The following MTHFD2L variants were observed in gnomAD, a reference collection of about 807,000 sequenced individuals.
MTHFD2L encodes bifunctional methylenetetrahydrofolate dehydrogenase/cyclohydrolase 2, mitochondrial.
MTHFD2L carries 29 observed loss-of-function variants against 34.9 expected under a neutral mutation model. The ratio of observed to expected loss-of-function variants is 0.83; its 90% CI spans 0.62 to 1.13. The LOEUF is 1.13. Among genes scored for constraint, MTHFD2L ranks in the 50% most tolerant of loss-of-function variants. The pLI is 0.00. For synonymous variants in MTHFD2L, 167 were observed against 155.7 expected (o/e 1.07, Z -0.54); for missense variants, 481 against 446.5 (o/e 1.08, Z -0.70).
intron 6 of MTHFD2L, among the ~76,000 whole-genome samples, chr4:74,232,433 CCT>C (rs1740214877): frequency 6.6e-6 from 1 of 152,034 alleles, no homozygotes; most frequent in Non-Finnish European, 1.5e-5. Context: ...TCCCAGTCTC[CCT>C]CTCTCTCTGT....
At chr4:74,211,302 A>G (rs776991608) in intron 5 of MTHFD2L, among the ~76,000 whole-genome samples, 10 of 152,174 alleles carry the variant, frequency 6.6e-5, no homozygotes, top group Non-Finnish European at 1.2e-4. Context: ...CCCAATCACT[A>G]TGATATTGGC....
chr4:74,193,313 T>G (rs1309493609), intron 3 of MTHFD2L, among the ~76,000 whole-genome samples: 1 of 152,114 alleles, frequency 6.6e-6, no homozygotes, highest in African/African-American at 2.4e-5. Flanking sequence ...CATTGATCTA[T>G]TTGTCTGTTC....
At chr4:74,227,537 A>G (rs1244140111) in intron 6 of MTHFD2L, among the ~76,000 whole-genome samples, 1 of 151,300 alleles carries the variant, frequency 6.6e-6, no homozygotes, top group South Asian at 2.1e-4. Flanking sequence ...GCAGATACCA[A>G]AGTCCTTAGG....
At chr4:74,200,068 T>A (rs1024674190) in intron 4 of MTHFD2L, 122 bp downstream of exon 4, 6 of 826,918 alleles carry the variant, frequency 7.3e-6, no homozygotes, top group Non-Finnish European at 9.4e-6. Flanking sequence ...CCATAAAACG[T>A]CAGTGTACAG....
intron 1 of MTHFD2L, among the ~76,000 whole-genome samples, chr4:74,144,087 A>G (rs910252189): frequency 3.3e-5 from 5 of 152,224 alleles, no homozygotes; most frequent in Non-Finnish European, 5.9e-5. Context: ...ATGCTAAACT[A>G]TCAATAAATC....
At chr4:74,120,106 A>G (rs927856764), upstream of MTHFD2L, among the ~76,000 whole-genome samples, 3 of 152,218 alleles carry the variant, frequency 2.0e-5, no homozygotes, top group Non-Finnish European at 4.4e-5. Context: ...AAAGTTAAGA[A>G]GCCCTTTGCT....
intron 6 of MTHFD2L, among the ~76,000 whole-genome samples, chr4:74,274,453 C>G (rs1030679979): frequency 6.6e-6 from 1 of 152,064 alleles, no homozygotes; most frequent in Admixed American, 6.6e-5. Flanking sequence ...TAGGAGAGAC[C>G]AACAACTCCT....
At chr4:74,257,793 AGAAT>A (rs1397541843) in intron 6 of MTHFD2L, among the ~76,000 whole-genome samples, 1 of 152,182 alleles carries the variant, frequency 6.6e-6, no homozygotes, top group Non-Finnish European at 1.5e-5. Flanking sequence ...GAAGACACTC[AGAAT>A]GAGAGATTTT....
upstream of MTHFD2L, chr4:74,158,059 G>A (rs1247201349): frequency 6.5e-7 from 1 of 1,528,610 alleles, no homozygotes; most frequent in Admixed American, 2.0e-5. Context: ...GCCCGGGTGA[G>A]GGCGGAGCCA....
chr4:74,188,790 G>GTGTATACATATGTATATATATA (rs1731885327), intron 3 of MTHFD2L, among the ~76,000 whole-genome samples: 8 of 146,390 alleles, frequency 5.5e-5, no homozygotes, highest in Non-Finnish European at 9.0e-5. Context: ...ATATATATAT[G>GTGTATACATATGTATATATATA]GGTATATATA....
intron 1 of MTHFD2L, among the ~76,000 whole-genome samples, chr4:74,169,246 A>G (rs530265353): frequency 4.1e-4 from 62 of 152,356 alleles, no homozygotes; most frequent in African/African-American, 1.4e-3. Flanking sequence ...TTGAGTATGC[A>G]CGGTACAGTT....
At chr4:74,273,547 G>A (rs546039534) in intron 6 of MTHFD2L, among the ~76,000 whole-genome samples, 1 of 152,208 alleles carries the variant, frequency 6.6e-6, no homozygotes, top group South Asian at 2.1e-4. Flanking sequence ...ATTCCTTTAT[G>A]TTCTAAGGCA....
At chr4:74,229,465 C>T (rs1560510663) in intron 6 of MTHFD2L, among the ~76,000 whole-genome samples, 1 of 152,036 alleles carries the variant, frequency 6.6e-6, no homozygotes, top group African/African-American at 2.4e-5. Flanking sequence ...TGGAAACAAC[C>T]TCATCTAGGA....
At chr4:74,140,122 C>G (rs1214730348) in intron 1 of MTHFD2L, among the ~76,000 whole-genome samples, 2 of 151,882 alleles carry the variant, frequency 1.3e-5, no homozygotes, top group Admixed American at 1.3e-4. Context: ...TTGAGACCAG[C>G]CTGGGCAACA....
At chr4:74,226,188 GA>G (rs1350979384) in intron 6 of MTHFD2L, among the ~76,000 whole-genome samples, 1 of 114,840 alleles carries the variant, frequency 8.7e-6, no homozygotes, top group Non-Finnish European at 2.3e-5. Flanking sequence ...CATTTTGGTT[GA>G]CAAAAAAAAA....
At chr4:74,275,415 A>G (rs1746485818) in intron 6 of MTHFD2L, among the ~76,000 whole-genome samples, 1 of 152,138 alleles carries the variant, frequency 6.6e-6, no homozygotes, top group Non-Finnish European at 1.5e-5. Context: ...ATATGTGTGC[A>G]TGTGTCTTTA....
chr4:74,260,669 G>A (rs1241189462), intron 6 of MTHFD2L, among the ~76,000 whole-genome samples: 1 of 151,664 alleles, frequency 6.6e-6, no homozygotes, highest in Non-Finnish European at 1.5e-5. Flanking sequence ...AGAAGGAGGA[G>A]GAGGAACAGA....
At chr4:74,209,477 C>A (rs1461170873) in intron 5 of MTHFD2L, among the ~76,000 whole-genome samples, 1 of 152,102 alleles carries the variant, frequency 6.6e-6, no homozygotes, top group African/African-American at 2.4e-5. Context: ...AGTTTGCTGA[C>A]AATGATGGTT....
chr4:74,132,922 A>T (rs1722658302), intron 1 of MTHFD2L, among the ~76,000 whole-genome samples: 1 of 152,202 alleles, frequency 6.6e-6, no homozygotes, highest in African/African-American at 2.4e-5. Flanking sequence ...GCACACCACA[A>T]TTAAATTATT....
Sources: allele counts gnomAD v4.1 joint callset (sites outside exome capture counted in the v4.1 genomes callset), GRCh38; gene constraint gnomAD v4.1.1; transcripts MANE v1.5; gene names NCBI Gene and HGNC (gene_info 2026-07-23, HGNC 2026-07-21).